The following PDXDC1 variants were observed in gnomAD, a reference collection of about 807,000 sequenced individuals.
PDXDC1 encodes the protein pyridoxal-dependent decarboxylase domain-containing protein 1.
In PDXDC1, 42 loss-of-function variants were observed where a neutral mutation model predicts 100.1. The ratio of observed to expected loss-of-function variants is 0.42; its 90% CI spans 0.33 to 0.54. The LOEUF is 0.54. Among genes scored for constraint, PDXDC1 ranks in the 20% least tolerant of loss-of-function variants. The pLI, the probability that PDXDC1 is intolerant of heterozygous loss-of-function variation, is 0.10. For missense variants in PDXDC1, 636 were observed against 979.2 expected (o/e 0.65, Z 4.68); for synonymous variants, 260 against 371.7 (o/e 0.70, Z 3.46).
intron 16 of PDXDC1, among the ~76,000 whole-genome samples, chr16:15,103,559 G>A (rs1238448435): frequency 6.6e-6 from 1 of 151,470 alleles, no homozygotes; most frequent in Non-Finnish European, 1.5e-5. Context: ...GCTAGAGTGT[G>A]CTGATGTGAT....
At chr16:15,087,540 T>G (rs1320486686) in intron 16 of PDXDC1, among the ~76,000 whole-genome samples, 2 of 152,182 alleles carry the variant, frequency 1.3e-5, no homozygotes, top group African/African-American at 4.8e-5. Flanking sequence ...GAGTGCTTAC[T>G]ATGCCATATC....
At chr16:15,019,241 A>G (rs1028060996) in intron 12 of PDXDC1, among the ~76,000 whole-genome samples, 8 of 152,264 alleles carry the variant, frequency 5.3e-5, no homozygotes, top group Admixed American at 1.3e-4. Context: ...ATGACTTCCA[A>G]GGAGTGGAGA....
intron 16 of PDXDC1, among the ~76,000 whole-genome samples, chr16:15,109,446 CAGG>C (rs1226677952): frequency 8.8e-5 from 13 of 147,586 alleles, no homozygotes; most frequent in Non-Finnish European, 1.5e-5. Flanking sequence ...ATCATGATGT[CAGG>C]AGTTCTAGAC....
intron 16 of PDXDC1, among the ~76,000 whole-genome samples, chr16:15,087,097 A>C (rs2045940435): frequency 6.6e-6 from 1 of 152,204 alleles, no homozygotes; most frequent in African/African-American, 2.4e-5. Context: ...CAATTATGTA[A>C]AATATTACTA....
chr16:15,043,107 T>C (rs1233599276), downstream of PDXDC1, among the ~76,000 whole-genome samples: 2 of 151,560 alleles, frequency 1.3e-5, no homozygotes. Context: ...TCCATGTTGG[T>C]CAGGCTGGTC....
intron 14 of PDXDC1, among the ~76,000 whole-genome samples, chr16:15,027,699 C>T (rs915694937): frequency 1.5e-4 from 23 of 152,298 alleles, no homozygotes; most frequent in African/African-American, 4.3e-4. Context: ...CGGGGCCTGT[C>T]GGGGTGCTCT....
the PDXDC1 span, among the ~76,000 whole-genome samples, chr16:15,145,562 G>C: frequency 1.3e-5 from 2 of 152,262 alleles, no homozygotes; most frequent in African/African-American, 4.8e-5. Flanking sequence ...GGAACGCCAG[G>C]CTGGGCCAGG....
At chr16:14,983,772 T>A (rs1162980344) in intron 1 of PDXDC1, among the ~76,000 whole-genome samples, 2 of 152,274 alleles carry the variant, frequency 1.3e-5, no homozygotes, top group African/African-American at 2.4e-5. Flanking sequence ...TATGAAAAAT[T>A]GAGGAACCGT....
At chr16:14,998,496 G>A (rs1464849456) in intron 3 of PDXDC1, 91 bp downstream of exon 3, 8 of 1,414,408 alleles carry the variant, frequency 5.7e-6, no homozygotes, top group Admixed American at 2.1e-5. Flanking sequence ...CCAGGATGGT[G>A]TGCAGTGGCA....
chr16:15,125,748 G>A (rs1389288509), intron 16 of PDXDC1: 10 of 1,499,052 alleles, frequency 6.7e-6, no homozygotes, highest in Non-Finnish European at 9.2e-6. Context: ...ACGAGTCCAG[G>A]CAGCTGTCGA....
chr16:15,076,665 G>C (rs779784594), intron 16 of PDXDC1: 24 of 1,493,012 alleles, frequency 1.6e-5, no homozygotes, highest in Middle Eastern at 3.5e-4. Flanking sequence ...AACAAAGGGA[G>C]AAAAAAAAAG....
At chr16:15,131,689 G>A (rs1342818685) in intron 16 of PDXDC1, 2 of 1,557,844 alleles carry the variant, frequency 1.3e-6, no homozygotes, top group African/African-American at 2.9e-5. Context: ...GTCTGAGCTG[G>A]CCAGGTGGAT....
chr16:15,041,611 G>A (rs749329613), downstream of PDXDC1: 24 of 1,601,148 alleles, frequency 1.5e-5, no homozygotes, highest in South Asian at 2.2e-4. Flanking sequence ...TGGGGCAAAT[G>A]GCAGGACTTA....
chr16:14,999,949 G>A (rs1422299471), intron 3 of PDXDC1, among the ~76,000 whole-genome samples: 6 of 152,236 alleles, frequency 3.9e-5, no homozygotes, highest in African/African-American at 1.4e-4. Flanking sequence ...ATTGAACCAG[G>A]TTGCAAAAGA....
chr16:15,019,031 A>G lies in PDXDC1; in HGVS notation c.1089+66A>G, dbSNP rs554415801. The G allele has an allele frequency of 2.5e-5, 40 of 1,579,928 alleles. No individual in the cohort carries two copies. In the Middle Eastern group the frequency reaches 5.0e-4, roughly 20 times the overall value. ...CACAGCAGAGACAGAAAAACATCTC[A>G]TTTCTGTACCTTCCATCCAGAGTGG... On this transcript the variant is annotated intron_variant, in intron 12 of 22. Transcript: ENST00000396410.
At position 15,101,902 on chromosome 16, in the gene PDXDC1, G is replaced by A. The variant is rs528209838; in HGVS notation, c.1400-36977G>A. The stretch of plus-strand genomic sequence containing the variant: ...CTTGCTCTGTTGCTCAGGCTGGACT[G>A]CAATGGCGTGATCTTGGCTCACCGC... On this transcript the variant is annotated intron_variant, in intron 16 of 16. Transcript: ENST00000535621. Among the ~76,000 whole-genome samples the A allele has an allele frequency of 9.5e-3, 1,437 of 152,030 alleles. 26 individuals are homozygous for A. Among genetic ancestry groups the A allele is most frequent in the African/African-American group, 0.032 (1,310 of 41,454 alleles).
At position 15,028,955 on chromosome 16, in the gene PDXDC1, C is replaced by T. The variant is rs112323280; in HGVS notation, c.1282C>T (p.Leu428=). The T allele has an allele frequency of 6.2e-7, 1 of 1,608,782 alleles. No individual in the cohort carries two copies. Among genetic ancestry groups the T allele is most frequent in the East Asian group, 2.2e-5 (1 of 44,810 alleles). Residue 428 remains leucine (L), a synonymous_variant, in exon 15 of 23, where the codon CTG becomes TTG. Transcript: ENST00000396410. The part of the protein sequence containing the change: ...VGRERHSCDA[L]NRWLGEQLKQ... ...CCGGGAGAGGCACTCGTGTGACGCGCTGAATCGCTGGGTGAGAATGGCAGT... is the reference window on the plus strand; with the variant it reads ...CCGGGAGAGGCACTCGTGTGACGCGTTGAATCGCTGGGTGAGAATGGCAGT...
At chr16:15,009,242 C>T in intron 7 of PDXDC1, 1 of 350,976 alleles carries the variant, frequency 2.8e-6, no homozygotes, top group Non-Finnish European at 4.9e-6. Flanking sequence ...TATTTTCAGA[C>T]ATGCAGGTGA....
At chr16:15,135,653 G>C (rs1257318288) in intron 16 of PDXDC1, 2 of 1,592,302 alleles carry the variant, frequency 1.3e-6, no homozygotes, top group Non-Finnish European at 1.7e-6. Context: ...ACTGACCTGT[G>C]TCGAAGCCAC....
Sources: gnomAD v4.1 joint callset for allele counts (sites outside exome capture counted in the v4.1 genomes callset) on GRCh38, gnomAD v4.1.1 for gene constraint, MANE v1.5 for transcripts, NCBI Gene and HGNC (gene_info 2026-07-23, HGNC 2026-07-21) for gene names.